Variants in VPS8 observed in about 807,000 individuals in gnomAD.
VPS8 encodes VPS8 subunit of CORVET complex, also known as vacuolar protein sorting-associated protein 8 homolog.
Under a neutral mutation model 216.4 loss-of-function variants are expected in VPS8, and 129 were observed. The observed-to-expected ratio is 0.60, with a 90% CI of 0.52 to 0.69. The LOEUF (loss-of-function observed/expected upper bound fraction) is 0.69, where lower values mean the gene tolerates loss of function less well. Ranked by LOEUF, VPS8 falls within the 30% of genes least tolerant of loss-of-function variation. VPS8 has a pLI of 0.00. For missense variants in VPS8, 1,531 were observed against 1,683.5 expected, an observed-to-expected ratio of 0.91 and a Z score of 1.59; for synonymous variants, 571 against 565.4, an observed-to-expected ratio of 1.01 and a Z score of -0.14.
At chr3:185,037,503 A>C (rs922159293) in intron 46 of VPS8, among the ~76,000 whole-genome samples, 2 of 152,076 alleles carry the variant, frequency 1.3e-5, no homozygotes, top group African/African-American at 2.4e-5. Flanking sequence ...TGTGTAGGTT[A>C]TTGTTTTTCA....
At position 184,868,062 on chromosome 3, in the gene VPS8, G is replaced by A; in HGVS notation, c.1506+3G>A. ...TGATGCTGAGGAGCTGGAGAGAGGTGAGTTCCAAGTAATTTCACATGTCAG... is the reference window on the plus strand; with the variant it reads ...TGATGCTGAGGAGCTGGAGAGAGGTAAGTTCCAAGTAATTTCACATGTCAG... On this transcript the variant is annotated splice_donor_region_variant and intron_variant, in intron 18 of 47. Coordinates refer to ENST00000625842, the MANE Select transcript of VPS8 (RefSeq NM_001009921.3). 3.7e-6 allele frequency: 6 copies of A among 1,612,870 alleles called. No homozygotes were observed. The highest frequency in any genetic ancestry group is 4.5e-5 in the East Asian group (2 of 44,850).
At chr3:184,994,910 C>A (rs1359728030) in intron 43 of VPS8, among the ~76,000 whole-genome samples, 4 of 152,206 alleles carry the variant, frequency 2.6e-5, no homozygotes, top group Non-Finnish European at 5.9e-5. Flanking sequence ...AAAGGCATGT[C>A]TCACATGGCA....
chr3:185,019,822 C>T (rs1468221814), intron 45 of VPS8, among the ~76,000 whole-genome samples: 2 of 152,164 alleles, frequency 1.3e-5, no homozygotes, highest in Non-Finnish European at 2.9e-5. Context: ...CTGGTATGGA[C>T]TAGTCTTTAT....
rs6810212 is a variant in VPS8, at chr3:185,051,890, G to A, written c.4152G>A (p.Thr1384=). The A allele has an allele frequency of 9.3e-4, 1,494 of 1,606,802 alleles. 18 individuals carry two copies. In the African/African-American group the frequency reaches 0.016, roughly 17 times the overall value. ...YRGSSRLALL[T]ELSQNRSSES... ...TTCCTTTGCAGCTGGCTCTCCTCAC[G>A]GAACTCTCCCAGAATCGCAGCAGCG... The change falls in exon 48 of 48, where the codon ACG becomes ACA. Residue 1384 remains threonine (T), a synonymous_variant. Coordinates refer to ENST00000625842, the MANE Select transcript of VPS8 (RefSeq NM_001009921.3).
At chr3:184,947,166 T>C (rs1389313329) in intron 36 of VPS8, among the ~76,000 whole-genome samples, 1 of 152,174 alleles carries the variant, frequency 6.6e-6, no homozygotes, top group African/African-American at 2.4e-5. Flanking sequence ...AATAAGCAAG[T>C]GATGTCTCCA....
chr3:184,902,430 C>A (rs1015010448), intron 25 of VPS8, among the ~76,000 whole-genome samples: 1 of 151,338 alleles, frequency 6.6e-6, no homozygotes, highest in Non-Finnish European at 1.5e-5. Context: ...GAGCCAAGAT[C>A]GTGCCACTTG....
At chr3:184,959,550 A>G (rs565493088) in intron 37 of VPS8, among the ~76,000 whole-genome samples, 1 of 152,302 alleles carries the variant, frequency 6.6e-6, no homozygotes, top group South Asian at 2.1e-4. Context: ...CCCCAGAAAA[A>G]AAATGTTTTC....
intron 40 of VPS8, among the ~76,000 whole-genome samples, chr3:184,973,020 G>C (rs752198157): frequency 7.9e-5 from 12 of 152,190 alleles, no homozygotes; most frequent in Middle Eastern, 6.8e-3. Context: ...TCTCCTTTAA[G>C]TTTTTGTCCA....
intron 29 of VPS8, among the ~76,000 whole-genome samples, chr3:184,922,156 C>T (rs547776348): frequency 1.9e-4 from 29 of 152,268 alleles, no homozygotes; most frequent in East Asian, 5.8e-4. Flanking sequence ...CATGCCTTTT[C>T]CTTTCACTGA....
chr3:185,043,801 A>G (rs1317489459), intron 46 of VPS8, among the ~76,000 whole-genome samples: 1 of 152,194 alleles, frequency 6.6e-6, no homozygotes, highest in African/African-American at 2.4e-5. Flanking sequence ...CCCCAGAAGG[A>G]GGGCAGGTGT....
intron 36 of VPS8, among the ~76,000 whole-genome samples, chr3:184,956,650 T>C (rs1465126529): frequency 6.6e-6 from 1 of 152,222 alleles, no homozygotes; most frequent in Non-Finnish European, 1.5e-5. Flanking sequence ...GCAGCTACTT[T>C]CGGCCATCAG....
chr3:185,033,503 T>C (rs1003309518), intron 46 of VPS8, among the ~76,000 whole-genome samples: 12 of 152,370 alleles, frequency 7.9e-5, no homozygotes, highest in African/African-American at 2.4e-4. Flanking sequence ...CTGCTTGGAC[T>C]ATAATTTGTT....
intron 8 of VPS8, 87 bp from the exon 9 acceptor site, chr3:184,848,984 C>T: frequency 6.9e-7 from 1 of 1,440,444 alleles, no homozygotes; most frequent in Admixed American, 1.9e-5. Flanking sequence ...TTCTTGTCAC[C>T]TCCCAAGTCT....
chr3:184,946,822 C>T (rs1743756957), intron 36 of VPS8, among the ~76,000 whole-genome samples: 1 of 152,046 alleles, frequency 6.6e-6, no homozygotes, highest in Non-Finnish European at 1.5e-5. Flanking sequence ...GCTGTAAAGT[C>T]ATTTTAGGGA....
intron 45 of VPS8, among the ~76,000 whole-genome samples, chr3:185,003,465 TG>T (rs1423529989): frequency 6.9e-6 from 1 of 144,822 alleles, no homozygotes; most frequent in East Asian, 2.0e-4. Flanking sequence ...AGCACAGGGT[TG>T]GGGGTAAGGT....
At chr3:184,920,018 T>C (rs1738336808) in intron 28 of VPS8, 109 bp from the exon 29 acceptor site, 1 of 791,768 alleles carries the variant, frequency 1.3e-6, no homozygotes, top group Non-Finnish European at 2.0e-6. Flanking sequence ...GAGGAATAGT[T>C]ATCTTATTTG....
intron 13 of VPS8, among the ~76,000 whole-genome samples, chr3:184,855,374 G>A (rs1218944776): frequency 6.6e-6 from 1 of 151,942 alleles, no homozygotes; most frequent in Non-Finnish European, 1.5e-5. Flanking sequence ...TAAATATTTA[G>A]CATGCATATT....
At chr3:184,872,552 A>G (rs936926158) in intron 21 of VPS8, among the ~76,000 whole-genome samples, 3 of 152,072 alleles carry the variant, frequency 2.0e-5, no homozygotes, top group African/African-American at 7.2e-5. Flanking sequence ...TAGAAGTCTC[A>G]TTCTGTTGGT....
At chr3:184,867,444 A>G (rs967395788) in intron 17 of VPS8, among the ~76,000 whole-genome samples, 2 of 152,324 alleles carry the variant, frequency 1.3e-5, no homozygotes. Flanking sequence ...AATTTAACCA[A>G]AATATTGCCA....
Sources: gnomAD v4.1 joint callset for allele counts (sites outside exome capture counted in the v4.1 genomes callset) on GRCh38, gnomAD v4.1.1 for gene constraint, MANE v1.5 for transcripts, NCBI Gene and HGNC (gene_info 2026-07-23, HGNC 2026-07-21) for gene names.